The following RUBCNL variants were observed in gnomAD, a reference collection of about 807,000 sequenced individuals.
The protein encoded by RUBCNL is rubicon like autophagy enhancer, also known as protein associated with UVRAG as autophagy enhancer.
A neutral mutation model predicts 69.5 loss-of-function variants in RUBCNL; 62 were observed. The observed-to-expected ratio is 0.89, with a 90% CI of 0.73 to 1.10. The LOEUF (loss-of-function observed/expected upper bound fraction) is 1.10. RUBCNL is among the 50% of genes least tolerant of loss of function. RUBCNL has a pLI of 0.00. For missense variants in RUBCNL, 768 were observed against 798.1 expected (o/e 0.96, Z 0.45); for synonymous variants, 291 against 303.6 (o/e 0.96, Z 0.43).
At chr13:46,387,762 C>A, upstream of RUBCNL, 3 of 985,664 alleles carry the variant, frequency 3.0e-6, no homozygotes, top group Non-Finnish European at 3.6e-6. Flanking sequence ...TCACTGTCCG[C>A]GTTAGTTTAG....
intron 7 of RUBCNL, among the ~76,000 whole-genome samples, chr13:46,362,198 T>C (rs774160027): frequency 2.0e-5 from 3 of 151,944 alleles, no homozygotes; most frequent in African/African-American, 7.3e-5. Flanking sequence ...GATTGGGCCA[T>C]TGCACTCTAC....
chr13:46,351,101 G>GAA (rs34231532), intron 10 of RUBCNL: 1,979 of 142,112 alleles, frequency 0.014, 41 homozygotes, highest in African/African-American at 0.047. Flanking sequence ...CATCTCCACA[G>GAA]AAAAAAAAAA....
At chr13:46,343,631 C>T in intron 14 of RUBCNL, 134 bp from the exon 15 acceptor site, 5 of 850,314 alleles carry the variant, frequency 5.9e-6, no homozygotes, top group Admixed American at 5.8e-5. Flanking sequence ...AGAAACCAGC[C>T]AGGCTGAAAC....
chr13:46,362,939 G>GATATAT (rs57722239), intron 6 of RUBCNL, among the ~76,000 whole-genome samples, 176 bp downstream of exon 6: 1,324 of 41,276 alleles, frequency 0.032, 73 homozygotes, highest in Non-Finnish European at 0.041. Context: ...TATATATATA[G>GATATAT]ATATATATAT....
chr13:46,337,154 A>G lies in RUBCNL; in HGVS notation c.*6231T>C, dbSNP rs639808. 0.32 allele frequency among the ~76,000 whole-genome samples: 46,424 copies of G among 146,900 alleles called. 7,412 individuals carry two copies. Among genetic ancestry groups the G allele is most frequent in the Middle Eastern group, 0.38 (105 of 278 alleles). On this transcript the variant is annotated 3_prime_UTR_variant, in exon 15 of 15. Coordinates refer to ENST00000429979, the MANE Select transcript of RUBCNL (RefSeq NM_025113.5). ...TTTTCCTTTTTCTTTTTTTGGGGGC[A>G]GGGAGGGGGGACCAAGTCTCACTCT...
At chr13:46,387,684 G>T (rs561837427), upstream of RUBCNL, 6 of 985,690 alleles carry the variant, frequency 6.1e-6, no homozygotes, top group African/African-American at 8.7e-5. Context: ...TACCCGGAAC[G>T]TGAGCTGTCT....
intron 6 of RUBCNL, 109 bp from the exon 7 acceptor site, chr13:46,362,707 A>G (rs1374940468): frequency 2.8e-6 from 2 of 710,108 alleles, no homozygotes; most frequent in Non-Finnish European, 4.9e-6. Flanking sequence ...AGAAAGAGCA[A>G]ATTATTCAGC....
chr13:46,340,837 G>C lies in RUBCNL; in HGVS notation c.*2548C>G, dbSNP rs2048137082. On this transcript the variant is annotated 3_prime_UTR_variant, in exon 15 of 15. Transcript: ENST00000429979. The stretch of plus-strand genomic sequence containing the variant: ...TGAGAACTCACTCATCACCACAAAG[G>C]TGCCACCAAGCTATTCTTGAGGGAT... Among the ~76,000 whole-genome samples the C allele has an allele frequency of 6.6e-6, 1 of 152,078 alleles. No individual in the cohort carries two copies. The highest frequency in any genetic ancestry group is 1.5e-5 in the Non-Finnish European group (1 of 68,020).
intron 2 of RUBCNL, among the ~76,000 whole-genome samples, chr13:46,377,351 C>A (rs1321562365): frequency 1.3e-5 from 2 of 152,196 alleles, no homozygotes; most frequent in African/African-American, 4.8e-5. Context: ...GCAACCTCTG[C>A]CTCGTGGATT....
At chr13:46,370,268 T>C (rs900766077) in intron 3 of RUBCNL, among the ~76,000 whole-genome samples, 2 of 152,206 alleles carry the variant, frequency 1.3e-5, no homozygotes, top group Non-Finnish European at 2.9e-5. Context: ...TGCTTGTAAA[T>C]GTGTAGTTCC....
intron 9 of RUBCNL, among the ~76,000 whole-genome samples, chr13:46,358,556 T>G (rs2048541129): frequency 1.3e-5 from 2 of 152,214 alleles, no homozygotes; most frequent in Admixed American, 6.5e-5. Flanking sequence ...TTTGTTACAT[T>G]TCTTTTGTTG....
Position 46,372,397 on chromosome 13 carries a change from C to T in RUBCNL, c.79G>A (p.Asp27Asn). ...EGISDHSGII[D>N]GSPRLLNTDH... ...GTGTTCAGGAGTCTGGGCGAACCAT[C>T]AATAATGCCAGAGTGATCGCTGATC... The change falls in exon 3 of 15, where the codon GAT becomes AAT. Residue 27 changes from aspartate (D) to asparagine (N), a missense_variant. Coordinates refer to ENST00000429979, the MANE Select transcript of RUBCNL (RefSeq NM_025113.5). 6.2e-7 allele frequency: 1 copy of T among 1,613,732 alleles called. No individual in the cohort carries two copies. Among genetic ancestry groups the T allele is most frequent in the Non-Finnish European group, 8.5e-7 (1 of 1,179,780 alleles).
intron 6 of RUBCNL, among the ~76,000 whole-genome samples, 155 bp from the exon 7 acceptor site, chr13:46,362,753 C>T (rs1235973666): frequency 6.6e-6 from 1 of 151,384 alleles, no homozygotes; most frequent in Non-Finnish European, 1.5e-5. Context: ...ATGGACAGAA[C>T]AGATAATGAG....
chr13:46,388,305 A>AGGAAGGAAGGAAGGAAG (rs1450896594), upstream of RUBCNL, among the ~76,000 whole-genome samples: 34 of 139,228 alleles, frequency 2.4e-4, no homozygotes, highest in Middle Eastern at 4.4e-3. Flanking sequence ...GAGGGAGGGA[A>AGGAAGGAAGGAAGGAAG]GAAGGAAGGA....
chr13:46,355,046 G>A (rs555525270), intron 10 of RUBCNL, among the ~76,000 whole-genome samples: 4 of 152,198 alleles, frequency 2.6e-5, no homozygotes, highest in Non-Finnish European at 5.9e-5. Context: ...ATGCCCGTCA[G>A]GCATTATCAT....
intron 5 of RUBCNL, among the ~76,000 whole-genome samples, 179 bp downstream of exon 5, chr13:46,367,863 A>G (rs561363346): frequency 3.9e-5 from 6 of 152,274 alleles, no homozygotes; most frequent in Non-Finnish European, 7.3e-5. Context: ...CTAGTCACTT[A>G]GTAACCCTCT....
intron 3 of RUBCNL, 26 bp downstream of exon 3, chr13:46,371,915 T>C (rs781051733): frequency 1.2e-6 from 2 of 1,610,150 alleles, no homozygotes; most frequent in Admixed American, 1.7e-5. Flanking sequence ...CAGAGAGGAA[T>C]GAGGGAGGTC....
chr13:46,375,632 A>C (rs1052224435), intron 2 of RUBCNL, among the ~76,000 whole-genome samples: 3 of 152,254 alleles, frequency 2.0e-5, no homozygotes, highest in Non-Finnish European at 1.5e-5. Flanking sequence ...AAGTGAATCC[A>C]CATTTCCTAA....
In RUBCNL at chr13:46,356,412, G is replaced by A. The variant is rs201660296; in HGVS notation, c.1330+20C>T. ...CCTTGTCATCACATCATAAGCAGGC[G>A]ATCCATTATCCGTACTTACTAGGCT... is the stretch of plus-strand genomic sequence containing the variant. On this transcript the variant is annotated intron_variant, in intron 10 of 14. Coordinates refer to ENST00000429979, the MANE Select transcript of RUBCNL (RefSeq NM_025113.5). The A allele has an allele frequency of 1.9e-5, 31 of 1,611,598 alleles. No individual in the cohort carries two copies. The highest frequency in any genetic ancestry group is 5.0e-5 in the Admixed American group (3 of 59,498).
Sources: allele counts gnomAD v4.1 joint callset (sites outside exome capture counted in the v4.1 genomes callset), GRCh38; gene constraint gnomAD v4.1.1; transcripts MANE v1.5; gene names NCBI Gene and HGNC (gene_info 2026-07-23, HGNC 2026-07-21).